The following ADCY1 variants were observed in gnomAD, a reference collection of about 807,000 sequenced individuals.
ADCY1 encodes the protein adenylate cyclase type 1.
In ADCY1, 28 loss-of-function variants were observed where a neutral mutation model predicts 105.4. The observed-to-expected ratio is 0.27, with a 90% confidence interval of 0.20 to 0.36. ADCY1 has a LOEUF of 0.36. Among genes scored for constraint, ADCY1 ranks in the 10% least tolerant of loss-of-function variants. The probability of loss-of-function intolerance (pLI) is 1.00; values close to 1 mark genes in which losing one functional copy is unlikely to be tolerated. For synonymous variants in ADCY1, 655 were observed against 623.8 expected, an observed-to-expected ratio of 1.05 and a Z score of -0.75; for missense variants, 977 against 1,434.2, an observed-to-expected ratio of 0.68 and a Z score of 5.15.
chr7:45,657,283 G>A (rs1161404985), intron 5 of ADCY1, among the ~76,000 whole-genome samples: 1 of 152,254 alleles, frequency 6.6e-6, no homozygotes, highest in Non-Finnish European at 1.5e-5. Context: ...TTTCCAGCAG[G>A]TTGTCATCTG....
chr7:45,605,926 C>G (rs1240595154), intron 2 of ADCY1, among the ~76,000 whole-genome samples: 1 of 152,060 alleles, frequency 6.6e-6, no homozygotes, highest in Non-Finnish European at 1.5e-5. Context: ...GTATGAGCCT[C>G]TGTATATTAT....
chr7:45,656,390 CTG>C (rs1267550395), intron 5 of ADCY1, among the ~76,000 whole-genome samples: 2 of 152,142 alleles, frequency 1.3e-5, no homozygotes, highest in African/African-American at 4.8e-5. Context: ...TAATGTAAAT[CTG>C]TGGCATGCAT....
chr7:45,625,264 G>T (rs771313607), intron 4 of ADCY1, among the ~76,000 whole-genome samples: 27 of 152,188 alleles, frequency 1.8e-4, no homozygotes, highest in Non-Finnish European at 2.4e-4. Flanking sequence ...CATGTTCCAA[G>T]TGGCTCCTTG....
At chr7:45,606,996 T>C (rs1291615509) in intron 2 of ADCY1, among the ~76,000 whole-genome samples, 1 of 152,106 alleles carries the variant, frequency 6.6e-6, no homozygotes, top group Non-Finnish European at 1.5e-5. Flanking sequence ...GTGAATGAGC[T>C]ACTTCGTCTT....
Position 45,679,743 on chromosome 7 carries a change from A to C in ADCY1, c.1933A>C (p.Ile645Leu). Residue 645 changes from isoleucine to leucine, a missense_variant, in exon 11 of 20, where the codon ATC becomes CTC. Ile to Leu is a conservative substitution (Grantham distance 5, BLOSUM62 2). Coordinates refer to ENST00000297323, the MANE Select transcript of ADCY1 (RefSeq NM_021116.4). ...CGTCCTGCTCCTGCTAGTATTCTGC[A>C]TCTGCTTCCTGGTGGCCTGTGTCCT... is the stretch of plus-strand genomic sequence containing the variant. Reference protein sequence around the residue: ...VVVLLLLVFCICFLVACVLYL... With the variant: ...VVVLLLLVFCLCFLVACVLYL... 5 of 1,614,174 alleles carry C rather than the reference A, an allele frequency of 3.1e-6. No individual in the cohort carries two copies. Among genetic ancestry groups the C allele is most frequent in the Non-Finnish European group, 4.2e-6 (5 of 1,180,028 alleles).
chr7:45,698,591 A>G (rs1260453342), intron 14 of ADCY1, among the ~76,000 whole-genome samples: 1 of 152,150 alleles, frequency 6.6e-6, no homozygotes, highest in Non-Finnish European at 1.5e-5. Context: ...GTGCCCGGTG[A>G]ACAAAGATGC....
chr7:45,645,497 G>A (rs1794636588), intron 4 of ADCY1, among the ~76,000 whole-genome samples: 1 of 152,090 alleles, frequency 6.6e-6, no homozygotes. Context: ...TTACCCTGGA[G>A]GCCCTGCTAC....
chr7:45,666,937 T>A (rs1245844512), intron 8 of ADCY1, among the ~76,000 whole-genome samples: 1 of 152,234 alleles, frequency 6.6e-6, no homozygotes, highest in African/African-American at 2.4e-5. Context: ...TTTTGAGAAG[T>A]GTCTGTTCAT....
intron 3 of ADCY1, among the ~76,000 whole-genome samples, chr7:45,619,271 A>T (rs955201761): frequency 6.6e-6 from 1 of 152,196 alleles, no homozygotes; most frequent in Non-Finnish European, 1.5e-5. Flanking sequence ...ACAGGTAGAT[A>T]GGAGAAATAA....
At chr7:45,664,192 G>A (rs1795205852) in intron 8 of ADCY1, 2 of 1,096,364 alleles carry the variant, frequency 1.8e-6, no homozygotes, top group Non-Finnish European at 2.7e-6. Context: ...ACAAGGAAGT[G>A]CACCGTTGGG....
At chr7:45,629,346 GTTTA>G (rs1255214034) in intron 4 of ADCY1, among the ~76,000 whole-genome samples, 1 of 151,960 alleles carries the variant, frequency 6.6e-6, no homozygotes, top group Non-Finnish European at 1.5e-5. Context: ...AAGCTTGTCT[GTTTA>G]TTCACTTTTT....
chr7:45,599,300 A>C (rs998792178), intron 2 of ADCY1, among the ~76,000 whole-genome samples: 7 of 151,758 alleles, frequency 4.6e-5, no homozygotes, highest in Non-Finnish European at 1.0e-4. Flanking sequence ...TCCTGCGTGG[A>C]TGTCACACAT....
chr7:45,668,342 C>T (rs1455473402), intron 8 of ADCY1, among the ~76,000 whole-genome samples: 4 of 152,094 alleles, frequency 2.6e-5, no homozygotes, highest in Non-Finnish European at 5.9e-5. Context: ...GCATGAAGTG[C>T]TGTTGAATTT....
rs964618752 is a variant in ADCY1, at chr7:45,615,681, T to G, written c.908+5184T>G. 5.3e-5 allele frequency among the ~76,000 whole-genome samples: 8 copies of G among 151,980 alleles called. No homozygotes were observed. The East Asian group carries it at 1.3e-3, about 26-fold the overall frequency. On this transcript the variant is annotated intron_variant, in intron 3 of 19. Coordinates refer to ENST00000297323, the MANE Select transcript of ADCY1 (RefSeq NM_021116.4). ...AATGAAAACACAACATACCCAAACT[T>G]ATGGGATGGAACAGAAGCAGTAATA...
At position 45,708,262 on chromosome 7, in the gene ADCY1, G is replaced by A; in HGVS notation, c.2818-88G>A. The A allele has an allele frequency of 1.2e-6, 1 of 806,448 alleles. No homozygotes were observed. The allele number at this position is 806,448 out of a possible 1,614,324, so 50.0% of individuals were successfully genotyped here. ...GCACTCAGAGTGCCTTCCTCTGAAA[G>A]TGCAGCTGTTGGGCACTGCAGGTTG... is the stretch of plus-strand genomic sequence containing the variant. On this transcript the variant is annotated intron_variant, in intron 17 of 19. Coordinates refer to ENST00000297323, the MANE Select transcript of ADCY1 (RefSeq NM_021116.4). This position sits in a 1 kb window ranked among gnomAD's most constrained non-coding sequence, Gnocchi z 4.7.
At chr7:45,639,696 T>G (rs1003200419) in intron 4 of ADCY1, among the ~76,000 whole-genome samples, 1 of 152,256 alleles carries the variant, frequency 6.6e-6, no homozygotes, top group Non-Finnish European at 1.5e-5. Flanking sequence ...AGTCCCACAG[T>G]GACTGTTTCC....
chr7:45,616,956 A>G (rs1475803630), intron 3 of ADCY1, among the ~76,000 whole-genome samples: 4 of 152,232 alleles, frequency 2.6e-5, no homozygotes, highest in Non-Finnish European at 5.9e-5. Flanking sequence ...CTGGAGATCC[A>G]GGTGATGGTA....
chr7:45,614,552 T>TA (rs1453079025), intron 3 of ADCY1, among the ~76,000 whole-genome samples: 1 of 152,080 alleles, frequency 6.6e-6, no homozygotes, highest in East Asian at 1.9e-4. Context: ...TATCAGTACT[T>TA]AAAGTGTAGA....
chr7:45,588,149 T>C (rs1398889991), intron 1 of ADCY1, among the ~76,000 whole-genome samples: 1 of 152,236 alleles, frequency 6.6e-6, no homozygotes, highest in Non-Finnish European at 1.5e-5. Flanking sequence ...TCAATACTGC[T>C]TTGTGTTGCT....
Sources: allele counts gnomAD v4.1 joint callset (sites outside exome capture counted in the v4.1 genomes callset), GRCh38; gene constraint gnomAD v4.1.1; non-coding constraint Gnocchi (gnomAD v3.1); transcripts MANE v1.5; gene names NCBI Gene and HGNC (gene_info 2026-07-23, HGNC 2026-07-21).